Variants in YAF2 observed in about 807,000 individuals in gnomAD.
The protein encoded by YAF2 is YY1-associated factor 2.
A neutral mutation model predicts 20.1 loss-of-function variants in YAF2; 7 were observed. The observed-to-expected ratio is 0.35, with a 90% CI of 0.20 to 0.65. The LOEUF (loss-of-function observed/expected upper bound fraction) is 0.65, where lower values mean the gene tolerates loss of function less well. Among genes scored for constraint, YAF2 ranks in the 30% least tolerant of loss-of-function variants. The probability of loss-of-function intolerance (pLI) is 0.69; values close to 1 mark genes in which losing one functional copy is unlikely to be tolerated. For synonymous variants in YAF2, 74 were observed against 76.0 expected (o/e 0.97, Z 0.14); for missense variants, 151 against 219.2 (o/e 0.69, Z 1.96).
chr12:42,233,410 G>T, intron 2 of YAF2: 1 of 983,462 alleles, frequency 1.0e-6, no homozygotes, highest in Non-Finnish European at 1.2e-6. Flanking sequence ...ACTACTAGAT[G>T]AAGTACCAAT....
intron 2 of YAF2, among the ~76,000 whole-genome samples, chr12:42,186,178 A>C (rs1259345892): frequency 1.5e-5 from 2 of 135,530 alleles, no homozygotes; most frequent in African/African-American, 5.9e-5. Context: ...CACCAGAGCC[A>C]AACTCTGTCT....
chr12:42,231,101 A>G (rs2067971132), intron 2 of YAF2: 1 of 152,170 alleles, frequency 6.6e-6, no homozygotes. Context: ...CTTAAAATTT[A>G]AGAGTTTTTG....
intron 2 of YAF2, among the ~76,000 whole-genome samples, chr12:42,193,152 T>C (rs2066659231): frequency 6.6e-6 from 1 of 151,888 alleles, no homozygotes; most frequent in Middle Eastern, 3.2e-3. Flanking sequence ...CTGTCTCTCC[T>C]AAAAATACAA....
At chr12:42,221,781 A>G (rs929136360) in intron 2 of YAF2, among the ~76,000 whole-genome samples, 1 of 152,222 alleles carries the variant, frequency 6.6e-6, no homozygotes, top group African/African-American at 2.4e-5. Context: ...CTCCAAACTT[A>G]GCTGAAAATC....
intron 2 of YAF2, among the ~76,000 whole-genome samples, chr12:42,219,790 A>G (rs2137294465): frequency 6.6e-6 from 1 of 152,336 alleles, no homozygotes; most frequent in African/African-American, 2.4e-5. Flanking sequence ...AGATCCTGTT[A>G]AAGTGCAGGT....
intron 2 of YAF2, among the ~76,000 whole-genome samples, chr12:42,168,568 A>G (rs1158332210): frequency 2.0e-5 from 3 of 152,174 alleles, no homozygotes; most frequent in Non-Finnish European, 2.9e-5. Flanking sequence ...CTTTTCGGAA[A>G]AATGATTATC....
chr12:42,208,465 A>T (rs1342804849), intron 2 of YAF2, among the ~76,000 whole-genome samples: 3 of 152,152 alleles, frequency 2.0e-5, no homozygotes, highest in Admixed American at 6.5e-5. Flanking sequence ...AAATTAAATT[A>T]AAATTTAAAA....
chr12:42,184,216 T>G (rs532186924), intron 2 of YAF2, among the ~76,000 whole-genome samples: 1 of 152,194 alleles, frequency 6.6e-6, no homozygotes, highest in Non-Finnish European at 1.5e-5. Flanking sequence ...CTAAGGGACA[T>G]GTACAAGGAG....
At chr12:42,211,394 T>C (rs1592012297) in intron 2 of YAF2, among the ~76,000 whole-genome samples, 1 of 117,926 alleles carries the variant, frequency 8.5e-6, no homozygotes, top group African/African-American at 3.4e-5. Context: ...GCCACTGAAC[T>C]CCAGCCTGGA....
chr12:42,192,649 A>C (rs760051390), intron 2 of YAF2, among the ~76,000 whole-genome samples: 24 of 152,360 alleles, frequency 1.6e-4, no homozygotes, highest in Non-Finnish European at 2.9e-4. Flanking sequence ...ACTAAGTAGC[A>C]CACTATTAGA....
chr12:42,185,050 T>C (rs866091), intron 2 of YAF2, among the ~76,000 whole-genome samples: 106,216 of 152,160 alleles, frequency 0.7, 38,160 homozygotes, highest in African/African-American at 0.86. Flanking sequence ...TGGTGGCGCA[T>C]GGCTGTAGAC....
chr12:42,224,639 G>A (rs1272303156), intron 2 of YAF2, among the ~76,000 whole-genome samples: 1 of 151,538 alleles, frequency 6.6e-6, no homozygotes. Context: ...TTGGTTTTCT[G>A]ATCCTGTGTT....
Position 42,237,633 on chromosome 12 carries a change from T to G in YAF2, c.118A>C (p.Met40Leu). 6.4e-7 allele frequency: 1 copy of G among 1,564,320 alleles called. No homozygotes were observed. Among genetic ancestry groups the G allele is most frequent in the Non-Finnish European group, 8.7e-7 (1 of 1,155,982 alleles). Residue 40 changes from methionine (M) to leucine (L), a missense_variant, in exon 2 of 4, where the codon ATG becomes CTG. By Grantham distance (15) the Met-to-Leu change is conservative (BLOSUM62 2). Transcript: ENST00000534854. The stretch of plus-strand genomic sequence containing the variant: ...GTGCCCTTCCGCACATCGCACATCA[T>G]GCACTTGAAGGCCTCGGCGCTGTTC... ...FRNSAEAFKC[M>L]MCDVRKGTST... is the part of the protein sequence containing the mutation.
intron 2 of YAF2, chr12:42,232,320 A>T (rs2068006962): frequency 1.4e-6 from 1 of 710,326 alleles, no homozygotes; most frequent in Non-Finnish European, 1.7e-6. Flanking sequence ...AACATCTTCA[A>T]ATTATTATAA....
chr12:42,221,673 T>G (rs973561755), intron 2 of YAF2, among the ~76,000 whole-genome samples: 1 of 152,206 alleles, frequency 6.6e-6, no homozygotes, highest in Non-Finnish European at 1.5e-5. Flanking sequence ...ATCAAGAGGA[T>G]ACGAGGCTAG....
intron 2 of YAF2, among the ~76,000 whole-genome samples, chr12:42,216,237 G>T (rs2067354671): frequency 6.6e-6 from 1 of 152,032 alleles, no homozygotes; most frequent in African/African-American, 2.4e-5. Context: ...CAGAATTATT[G>T]TAACATGAAA....
chr12:42,163,913 T>C (rs1276197596), intron 2 of YAF2, among the ~76,000 whole-genome samples: 2 of 152,230 alleles, frequency 1.3e-5, no homozygotes, highest in Non-Finnish European at 2.9e-5. Flanking sequence ...ATCCCTTTTC[T>C]ATTTGATGAG....
At chr12:42,164,738 C>T (rs181684037) in intron 2 of YAF2, among the ~76,000 whole-genome samples, 103 of 151,480 alleles carry the variant, frequency 6.8e-4, no homozygotes, top group Admixed American at 1.9e-3. Flanking sequence ...GGCTAACAAA[C>T]GCCCAAAAAT....
At chr12:42,162,801 A>G (rs2065827729) in intron 2 of YAF2, among the ~76,000 whole-genome samples, 1 of 152,232 alleles carries the variant, frequency 6.6e-6, no homozygotes, top group Non-Finnish European at 1.5e-5. Context: ...AGCAGATATC[A>G]GGAGATGGAT....
Sources: gnomAD v4.1 joint callset for allele counts (sites outside exome capture counted in the v4.1 genomes callset) on GRCh38, gnomAD v4.1.1 for gene constraint, MANE v1.5 for transcripts, NCBI Gene and HGNC (gene_info 2026-07-23, HGNC 2026-07-21) for gene names.